Variants in CCNA1 observed in about 807,000 individuals in gnomAD.
The protein encoded by CCNA1 is cyclin A1, also known as cyclin-A1.
A neutral mutation model predicts 54.1 loss-of-function variants in CCNA1; 23 were observed. The ratio of observed to expected loss-of-function variants is 0.42; its 90% CI spans 0.31 to 0.60. The LOEUF is 0.60. Ranked by LOEUF, CCNA1 falls within the 20% of genes least tolerant of loss-of-function variation. The pLI is 0.14. For synonymous variants in CCNA1, 208 were observed against 213.9 expected (o/e 0.97, Z 0.24); for missense variants, 450 against 556.7 (o/e 0.81, Z 1.93).
At chr13:36,434,776 CCATCTA>C (rs2137814229) in intron 2 of CCNA1, among the ~76,000 whole-genome samples, 1 of 151,730 alleles carries the variant, frequency 6.6e-6, no homozygotes, top group East Asian at 1.9e-4. Context: ...ATATAATCTG[CCATCTA>C]CATCCTGTTA....
At chr13:36,431,812 G>A (rs1566168130), upstream of CCNA1, 1 of 152,618 alleles carries the variant, frequency 6.6e-6, no homozygotes, top group African/African-American at 2.4e-5. Flanking sequence ...CGCGCCCTCG[G>A]GCCAGCGTGG....
chr13:36,431,602 G>C (rs3829943), upstream of CCNA1: 40,244 of 152,170 alleles, frequency 0.26, 5,422 homozygotes, highest in African/African-American at 0.3. Context: ...CCTCGAGCAC[G>C]ACGTGCGACC....
rs2137841154 is a variant in CCNA1 at position 36,442,674 on chromosome 13, A to G, written c.*9A>G. 3.7e-6 allele frequency: 6 copies of G among 1,612,394 alleles called. 1 individual carries two copies. The South Asian group carries it at 5.5e-5, about 15-fold the overall frequency. On this transcript the variant is annotated 3_prime_UTR_variant, in exon 9 of 9. Transcript: ENST00000255465. Reference sequence around the variant, plus strand: ...TTCTTCTTCTACAATAAGTTTCTGAATGGAAGCACTTCCAGAACTTCACCT... The same window carrying G: ...TTCTTCTTCTACAATAAGTTTCTGAGTGGAAGCACTTCCAGAACTTCACCT...
In CCNA1 at chr13:36,437,801, C is replaced by T. The variant is rs1359189373; in HGVS notation, c.470C>T (p.Ala157Val). Reference sequence around the variant, plus strand: ...AGCTGCTCGGTCAGAGAGGGGATGGCATTTGAGGATGTGTATGAAGTAGAC... The same window carrying T: ...AGCTGCTCGGTCAGAGAGGGGATGGTATTTGAGGATGTGTATGAAGTAGAC... Residue 157 changes from alanine to valine, a missense_variant, in exon 3 of 9, where the codon GCA (alanine) becomes GTA (valine). Physicochemically the swap from Ala to Val is moderately conservative, Grantham distance 64 (BLOSUM62 0). Coordinates refer to ENST00000255465, the MANE Select transcript of CCNA1 (RefSeq NM_003914.4). 6.2e-7 allele frequency: 1 copy of T among 1,613,936 alleles called. No individual in the cohort carries two copies. Among genetic ancestry groups the T allele is most frequent in the Non-Finnish European group, 8.5e-7 (1 of 1,179,990 alleles).
chr13:36,433,434 C>CT lies in CCNA1; in HGVS notation c.297+216dup, dbSNP rs1555269919. Among the ~76,000 whole-genome samples, 569 of 97,030 alleles carry CT rather than the reference C, an allele frequency of 5.9e-3. 30 individuals carry two copies. Among genetic ancestry groups the CT allele is most frequent in the African/African-American group, 0.019 (534 of 28,166 alleles). 63.7% of individuals were successfully genotyped at this position (97,030 alleles called of 152,430 possible). Reference sequence around the variant, plus strand: ...TCTTTCTTTCTTTCTTTCTTTCTTTCTTTCTTTCGTTCTTTCTTTCTTTCT... The same window carrying CT: ...TCTTTCTTTCTTTCTTTCTTTCTTTCTTTTCTTTCGTTCTTTCTTTCTTTCT... On this transcript the variant is annotated intron_variant, in intron 2 of 8. Coordinates refer to ENST00000255465, the MANE Select transcript of CCNA1 (RefSeq NM_003914.4).
intron 2 of CCNA1, among the ~76,000 whole-genome samples, chr13:36,435,247 G>C (rs1333178622): frequency 6.6e-6 from 1 of 152,196 alleles, no homozygotes; most frequent in Non-Finnish European, 1.5e-5. Flanking sequence ...AGAGTTTGTC[G>C]TATCTTGACA....
chr13:36,433,405 T>TCTTC (rs2055748678), intron 2 of CCNA1, among the ~76,000 whole-genome samples, 184 bp downstream of exon 2: 1 of 115,074 alleles, frequency 8.7e-6, no homozygotes, highest in Non-Finnish European at 1.9e-5. Context: ...TTTCTTTCTT[T>TCTTC]CTTTCTTTCT....
chr13:36,434,846 C>T (rs10220078), intron 2 of CCNA1, among the ~76,000 whole-genome samples: 9 of 146,026 alleles, frequency 6.2e-5, no homozygotes, highest in Non-Finnish European at 1.0e-4. Context: ...CCGCGCCATG[C>T]GTACAATATA....
At chr13:36,435,093 G>T (rs905177171) in intron 2 of CCNA1, among the ~76,000 whole-genome samples, 2 of 152,176 alleles carry the variant, frequency 1.3e-5, no homozygotes, top group Non-Finnish European at 2.9e-5. Context: ...GCTAGAAATG[G>T]TGACGAATTT....
rs1204767220 is a variant in CCNA1, at chr13:36,433,372, TTCTTTCTTTCTTTCTTTCTTTCTTTC to T, written c.297+153_297+178del. 198 of 79,472 alleles carry T rather than the reference TTCTTTCTTTCTTTCTTTCTTTCTTTC, an allele frequency of 2.5e-3. 8 individuals are homozygous for T. Among genetic ancestry groups the T allele is most frequent in the African/African-American group, 0.013 (184 of 14,386 alleles). 4.9% of individuals were successfully genotyped at this position (79,472 alleles called of 1,614,324 possible). On this transcript the variant is annotated intron_variant, in intron 2 of 8. Transcript: ENST00000255465. ...CTACAGGAAAGTTGATTGATTTATT[TTCTTTCTTTCTTTCTTTCTTTCTTTC>T]TTTCTTTCTTTCTTTCTTTCTTTCT...
rs199981149 is a variant in CCNA1, at chr13:36,440,120, C to A, written c.1035C>A (p.Asn345Lys). 100 of 1,614,014 alleles carry A rather than the reference C, an allele frequency of 6.2e-5. No homozygotes were observed. Among genetic ancestry groups the A allele is most frequent in the Non-Finnish European group, 8.2e-5 (97 of 1,179,986 alleles). ...TTGATCTGACAGTACCAACCACCAACCAGTTTCTCCTTCAGTACTTGAGGC... is the reference window on the plus strand; with the variant it reads ...TTGATCTGACAGTACCAACCACCAAACAGTTTCTCCTTCAGTACTTGAGGC... Residue 345 changes from asparagine to lysine, a missense_variant, in exon 6 of 9, where the codon AAC becomes AAA. Physicochemically the swap from Asn to Lys is moderately conservative, Grantham distance 94. Transcript: ENST00000255465.
Position 36,433,080 on chromosome 13 carries a change from T to C in CCNA1, c.156T>C (p.Ser52=), listed in dbSNP as rs1428416469. Residue 52 remains serine (S), a synonymous_variant, in exon 2 of 9, where the codon AGT becomes AGC. Coordinates refer to ENST00000255465, the MANE Select transcript of CCNA1 (RefSeq NM_003914.4). ...CAATGCACTGCAGCAACCCCAAGAG[T>C]GGAGTTGTGCTGGCTACAGTGGCCC... 2 of 1,613,772 alleles carry C rather than the reference T, an allele frequency of 1.2e-6. No individual in the cohort carries two copies. The highest frequency in any genetic ancestry group is 2.2e-5 in the East Asian group (1 of 44,862).
At chr13:36,441,609 C>T (rs1862108423) in intron 7 of CCNA1, among the ~76,000 whole-genome samples, 1 of 152,108 alleles carries the variant, frequency 6.6e-6, no homozygotes, top group Non-Finnish European at 1.5e-5. Flanking sequence ...AAGATTGCAC[C>T]TCAGGCTTTC....
chr13:36,437,710 G>T lies in CCNA1; in HGVS notation c.379G>T (p.Val127Phe), dbSNP rs765412925. ...AAAGAAAGCACTCCCTGACTGTGGG[G>T]TCCAAGAGCCCCCCAAGCAAGGGTT... The change falls in exon 3 of 9, where the codon GTC becomes TTC. Residue 127 changes from valine (V) to phenylalanine (F), a missense_variant. Physicochemically the swap from Val to Phe is conservative, Grantham distance 50. Transcript: ENST00000255465. 6.2e-7 allele frequency: 1 copy of T among 1,614,114 alleles called. No homozygotes were observed. The highest frequency in any genetic ancestry group is 1.1e-5 in the South Asian group (1 of 91,080).
At position 36,439,933 on chromosome 13, in the gene CCNA1, A is replaced by C. The variant is rs764180947; in HGVS notation, c.894-46A>C. The C allele has an allele frequency of 3.0e-6, 4 of 1,353,922 alleles. No homozygotes were observed. In the South Asian group the frequency reaches 4.7e-5, roughly 16 times the overall value. 83.9% of individuals were successfully genotyped at this position (1,353,922 alleles called of 1,614,324 possible). Reference sequence around the variant, plus strand: ...GTGGCTTATGGTAGCACAGGAGTAGAGCCAAAGGTTCTAAGTTTTACTTCT... The same window carrying C: ...GTGGCTTATGGTAGCACAGGAGTAGCGCCAAAGGTTCTAAGTTTTACTTCT... On this transcript the variant is annotated intron_variant, in intron 5 of 8. Coordinates refer to ENST00000255465, the MANE Select transcript of CCNA1 (RefSeq NM_003914.4).
At chr13:36,431,645 G>A (rs2055707982), upstream of CCNA1, 1 of 152,360 alleles carries the variant, frequency 6.6e-6, no homozygotes, top group African/African-American at 2.4e-5. Flanking sequence ...CCGCCTCGCA[G>A]GCCACATGCA....
upstream of CCNA1, chr13:36,432,431 C>G: frequency 4.1e-6 from 1 of 244,326 alleles, no homozygotes; most frequent in Non-Finnish European, 7.8e-6. Context: ...CCCTGCCCAA[C>G]CCTGCCCCGC....
chr13:36,439,841 G>GTC, intron 5 of CCNA1, 138 bp from the exon 6 acceptor site: 1 of 616,434 alleles, frequency 1.6e-6, no homozygotes, highest in South Asian at 2.0e-5. Flanking sequence ...ATAGCCCTGA[G>GTC]TCATTTAGTG....
chr13:36,441,928 G>A (rs79248127), intron 7 of CCNA1, among the ~76,000 whole-genome samples: 3,408 of 152,048 alleles, frequency 0.022, 126 homozygotes, highest in African/African-American at 0.078. Flanking sequence ...CACTCATGAG[G>A]GAACAAGGAA....
Sources: allele counts gnomAD v4.1 joint callset (sites outside exome capture counted in the v4.1 genomes callset), GRCh38; gene constraint gnomAD v4.1.1; transcripts MANE v1.5; gene names NCBI Gene and HGNC (gene_info 2026-07-23, HGNC 2026-07-21).